LPA: variants seen among roughly 807,000 people sequenced by gnomAD.
LPA encodes the protein lipoprotein(a), also known as apolipoprotein(a).
A neutral mutation model predicts 197.9 loss-of-function variants in LPA; 199 were observed. That is an observed-to-expected ratio of 1.01 (90% CI 0.90 to 1.13). The LOEUF is 1.13. LPA is among the 50% of genes most tolerant of loss of function. LPA has a pLI of 0.00. For synonymous variants in LPA, 715 were observed against 639.5 expected, an observed-to-expected ratio of 1.12 and a Z score of -1.78; for missense variants, 1,853 against 1,785.8, an observed-to-expected ratio of 1.04 and a Z score of -0.68.
chr6:160,584,598 T>G (rs879935113), intron 26 of LPA, among the ~76,000 whole-genome samples: 5 of 152,070 alleles, frequency 3.3e-5, no homozygotes, highest in Admixed American at 3.3e-4. Context: ...TCCCAAAGTG[T>G]TGGGATCACA....
intron 2 of LPA, among the ~76,000 whole-genome samples, chr6:160,647,194 A>T (rs1468990069): frequency 6.6e-6 from 1 of 152,186 alleles, no homozygotes; most frequent in South Asian, 2.1e-4. Context: ...AGTGGGTCCC[A>T]TGGCATAAAG....
At chr6:160,587,474 T>C (rs1778932687) in intron 24 of LPA, among the ~76,000 whole-genome samples, 1 of 152,190 alleles carries the variant, frequency 6.6e-6, no homozygotes, top group African/African-American at 2.4e-5. Flanking sequence ...CCCCTTTTTT[T>C]CTTTTTAGCT....
rs116850263 is a variant in LPA, at chr6:160,608,638, T to A, written c.2604-1980A>T. On this transcript the variant is annotated intron_variant, in intron 16 of 38. Transcript: ENST00000316300. ...TGCATTGAATTTCGTGTTTTTGCGA[T>A]TTTGTTAATATTCTTGATCAATGAA... Among the ~76,000 whole-genome samples, 8 of 152,302 alleles carry A rather than the reference T, an allele frequency of 5.3e-5. No homozygotes were observed. The East Asian group carries it at 1.3e-3, about 26-fold the overall frequency.
intron 1 of LPA, among the ~76,000 whole-genome samples, chr6:160,653,371 G>C (rs529763721): frequency 3.3e-5 from 5 of 152,002 alleles, no homozygotes; most frequent in Non-Finnish European, 7.4e-5. Context: ...AAAAGAGAAA[G>C]ACAAGCAGTA....
chr6:160,562,435 A>C (rs1198507110), intron 28 of LPA, among the ~76,000 whole-genome samples: 1 of 152,206 alleles, frequency 6.6e-6, no homozygotes, highest in Non-Finnish European at 1.5e-5. Flanking sequence ...ATCATGGTGG[A>C]TAAGCTTTTT....
Position 160,556,151 on chromosome 6 carries a change from C to T in LPA, c.4847G>A (p.Cys1616Tyr), listed in dbSNP as rs1778259370. The T allele has an allele frequency of 6.2e-7, 1 of 1,613,908 alleles. No homozygotes were observed. Among genetic ancestry groups the T allele is most frequent in the Non-Finnish European group, 8.5e-7 (1 of 1,179,948 alleles). Residue 1616 changes from cysteine (C) to tyrosine (Y), a missense_variant, in exon 30 of 39, where the codon TGC becomes TAC. By Grantham distance (194) the Cys-to-Tyr change is radical (BLOSUM62 -2). Around this residue, in one of 3 missense-constraint regions of LPA, gnomAD observed 1,737 missense variants for 1,504.4 expected, o/e 1.15. Coordinates refer to ENST00000316300, the MANE Select transcript of LPA (RefSeq NM_005577.4). The stretch of plus-strand genomic sequence containing the variant: ...ATAACTCTGGCCATTACCATGGTAG[C>T]ACTGCCGGACCACAGGGGTTTGCTC... ...PTEQTPVVRQ[C>Y]YHGNGQSYRG...
At position 160,600,945 on chromosome 6, in the gene LPA, A is replaced by G. The variant is rs780264345; in HGVS notation, c.3099T>C (p.Ala1033=). The change falls in exon 19 of 39, where the codon GCT becomes GCC. Residue 1033 remains alanine (A), a synonymous_variant. Transcript: ENST00000316300. The stretch of plus-strand genomic sequence containing the variant: ...GTTCAAAAAAAGCCTCTAGGCTTGG[A>G]GCCAGAATAACATTCGGAGGGACGA... ...TAFVPPNVIL[A]PSLEAFFEQA... is the part of the protein sequence containing the mutation. The G allele has an allele frequency of 2.9e-5, 47 of 1,613,006 alleles. No homozygotes were observed. The South Asian group carries it at 4.7e-4, about 16-fold the overall frequency.
At chr6:160,603,774 T>C (rs1189723063) in intron 18 of LPA, among the ~76,000 whole-genome samples, 1 of 152,210 alleles carries the variant, frequency 6.6e-6, no homozygotes, top group Non-Finnish European at 1.5e-5. Context: ...TTAATTGACT[T>C]GGAAATGATT....
chr6:160,585,682 T>A (rs1362586190), intron 25 of LPA, among the ~76,000 whole-genome samples: 1 of 151,944 alleles, frequency 6.6e-6, no homozygotes, highest in Admixed American at 6.6e-5. Context: ...CAGAAAAGGA[T>A]CTTGCATCTA....
At chr6:160,533,095 T>C (rs1777832133) in intron 37 of LPA, among the ~76,000 whole-genome samples, 1 of 152,208 alleles carries the variant, frequency 6.6e-6, no homozygotes, top group Non-Finnish European at 1.5e-5. Context: ...AAAAAAATGC[T>C]ACAGTCTTCA....
chr6:160,611,601 G>A lies in LPA; in HGVS notation c.2564C>T (p.Pro855Leu), dbSNP rs775839096. 8 of 1,601,798 alleles carry A rather than the reference G, an allele frequency of 5.0e-6. No individual in the cohort carries two copies. The Admixed American group carries it at 1.0e-4, about 20-fold the overall frequency. Residue 855 changes from proline (P) to leucine (L), a missense_variant, in exon 16 of 39, where the codon CCA (proline) becomes CTA (leucine). Physicochemically the swap from Pro to Leu is moderately conservative, Grantham distance 98. This residue lies in a region of LPA where 1,737 missense variants were observed against 1,504.4 expected (regional missense o/e 1.15). Transcript: ENST00000316300. ...TTCTGGGGTCCGACTATGCGAGTGT[G>A]GTGTCATAGATGACCAAGCTTGGCA... ...RTCQAWSSMT[P>L]HSHSRTPEYY...
chr6:160,560,242 A>G (rs866589173), intron 28 of LPA, among the ~76,000 whole-genome samples: 3 of 152,212 alleles, frequency 2.0e-5, no homozygotes, highest in Non-Finnish European at 2.9e-5. Flanking sequence ...TAGTGCTACA[A>G]TAAACATACG....
chr6:160,654,249 G>C (rs181318058), intron 1 of LPA, among the ~76,000 whole-genome samples: 1 of 147,156 alleles, frequency 6.8e-6, no homozygotes, highest in African/African-American at 2.5e-5. Flanking sequence ...CGATGTTCAA[G>C]AGCAGGAAGC....
At position 160,531,572 on chromosome 6, in the gene LPA, T is replaced by G; in HGVS notation, c.*157A>C. 2.2e-6 allele frequency: 2 copies of G among 907,364 alleles called. No homozygotes were observed. Among genetic ancestry groups the G allele is most frequent in the South Asian group, 3.0e-5 (2 of 66,430 alleles). 56.2% of individuals were successfully genotyped at this position (907,364 alleles called of 1,614,324 possible). ...AATTTGTCAGTCAGACCTTAAAAGC[T>G]TATACACAAAAATACCAAAAATGCC... On this transcript the variant is annotated 3_prime_UTR_variant, in exon 39 of 39. Coordinates refer to ENST00000316300, the MANE Select transcript of LPA (RefSeq NM_005577.4).
chr6:160,603,474 T>C (rs1255331795), intron 18 of LPA, among the ~76,000 whole-genome samples: 2 of 152,230 alleles, frequency 1.3e-5, no homozygotes, highest in African/African-American at 2.4e-5. Context: ...GGCTCTTCTA[T>C]ACTGTTACTG....
chr6:160,567,740 A>G (rs1258299680), intron 28 of LPA, among the ~76,000 whole-genome samples: 2 of 152,178 alleles, frequency 1.3e-5, no homozygotes, highest in Admixed American at 6.5e-5. Context: ...AAATTGATAG[A>G]CCACTAGCAA....
intron 30 of LPA, among the ~76,000 whole-genome samples, chr6:160,550,670 T>C (rs2115006074): frequency 6.6e-6 from 1 of 152,306 alleles, no homozygotes; most frequent in East Asian, 1.9e-4. Flanking sequence ...AACTTCGTTT[T>C]ACTGCTCAAT....
chr6:160,582,388 A>G (rs1778818213), intron 26 of LPA, among the ~76,000 whole-genome samples: 1 of 151,552 alleles, frequency 6.6e-6, no homozygotes, highest in Admixed American at 6.6e-5. Context: ...TTACACTCTA[A>G]AGGTGTTATT....
chr6:160,556,453 C>T (rs910252026), intron 29 of LPA, among the ~76,000 whole-genome samples: 13 of 152,098 alleles, frequency 8.5e-5, no homozygotes, highest in South Asian at 6.2e-4. Flanking sequence ...CAAGCTCTTT[C>T]GTATGGCTCT....
Sources: allele counts gnomAD v4.1 joint callset (sites outside exome capture counted in the v4.1 genomes callset), GRCh38; gene constraint gnomAD v4.1.1; regional missense constraint gnomAD v4.1.1; transcripts MANE v1.5; gene names NCBI Gene and HGNC (gene_info 2026-07-23, HGNC 2026-07-21).